The following MYO16 variants were observed in gnomAD, a reference collection of about 807,000 sequenced individuals.
MYO16 encodes the protein myosin XVI, also known as unconventional myosin-XVI.
Under a neutral mutation model 205.3 loss-of-function variants are expected in MYO16, and 94 were observed. The ratio of observed to expected loss-of-function variants is 0.46; its 90% CI spans 0.39 to 0.54. MYO16 has a LOEUF of 0.54. MYO16 is among the 20% of genes least tolerant of loss of function. MYO16 has a pLI of 0.00. For missense variants in MYO16, 2,315 were observed against 2,387.5 expected (o/e 0.97, Z 0.63); for synonymous variants, 988 against 954.0 (o/e 1.04, Z -0.66).
chr13:108,559,211 G>A, the MYO16 span, among the ~76,000 whole-genome samples: 1 of 152,062 alleles, frequency 6.6e-6, no homozygotes, highest in Admixed American at 6.5e-5. Flanking sequence ...ACACAGAGAG[G>A]GAAGAGTGTG....
chr13:108,785,492 G>A (rs962601281), intron 4 of MYO16, 143 bp from the exon 5 acceptor site: 6 of 471,354 alleles, frequency 1.3e-5, no homozygotes, highest in Admixed American at 7.6e-5. Flanking sequence ...AAAATAATTC[G>A]AGCTTCCTAC....
chr13:108,760,369 A>G (rs572454797), intron 4 of MYO16, among the ~76,000 whole-genome samples: 100 of 134,096 alleles, frequency 7.5e-4, no homozygotes, highest in African/African-American at 2.4e-3. Context: ...CACATTGACA[A>G]CACCATCACA....
intron 4 of MYO16, among the ~76,000 whole-genome samples, chr13:108,760,204 A>G (rs192290522): frequency 1.5e-3 from 230 of 152,292 alleles, no homozygotes; most frequent in Non-Finnish European, 2.7e-3. Flanking sequence ...GTTGGTTCTG[A>G]GAAACAGTTA....
chr13:108,607,945 A>G (rs1594139844), intron 1 of MYO16, among the ~76,000 whole-genome samples: 1 of 152,100 alleles, frequency 6.6e-6, no homozygotes, highest in Non-Finnish European at 1.5e-5. Flanking sequence ...CTCTGATCCT[A>G]CAGTGCTCTC....
rs150338509 is a variant in MYO16 at position 108,881,497 on chromosome 13, C to T, written c.1426-1562C>T. Among the ~76,000 whole-genome samples the T allele has an allele frequency of 7.3e-3, 1,117 of 152,248 alleles. 22 individuals are homozygous for T. The highest frequency in any genetic ancestry group is 0.025 in the African/African-American group (1,047 of 41,542). ...GATGATAGGTAATAACAAACTTCTCCGAGCTAAAGGAGGATGTTGGAACCC... is the reference window on the plus strand; with the variant it reads ...GATGATAGGTAATAACAAACTTCTCTGAGCTAAAGGAGGATGTTGGAACCC... On this transcript the variant is annotated intron_variant, in intron 12 of 34. Coordinates refer to ENST00000457511, the MANE Select transcript of MYO16 (RefSeq NM_001198950.3).
the MYO16 span, among the ~76,000 whole-genome samples, chr13:108,497,641 G>A: frequency 6.6e-6 from 1 of 152,110 alleles, no homozygotes; most frequent in African/African-American, 2.4e-5. Context: ...ATGAGAATTG[G>A]GAGGGGAAAT....
intron 2 of MYO16, among the ~76,000 whole-genome samples, chr13:108,681,301 T>C (rs577823032): frequency 6.6e-6 from 1 of 152,246 alleles, no homozygotes; most frequent in Non-Finnish European, 1.5e-5. Flanking sequence ...CAGACTCCAC[T>C]AAGGAGTTTC....
At chr13:108,892,747 T>G (rs1880231782) in intron 14 of MYO16, among the ~76,000 whole-genome samples, 1 of 152,200 alleles carries the variant, frequency 6.6e-6, no homozygotes, top group Non-Finnish European at 1.5e-5. Context: ...TAGTTTCCCC[T>G]CTAAATTATA....
intron 15 of MYO16, among the ~76,000 whole-genome samples, chr13:108,901,333 G>A (rs545951776): frequency 1.3e-5 from 2 of 152,174 alleles, no homozygotes; most frequent in Admixed American, 6.5e-5. Context: ...GGCTCAGGGG[G>A]CATCACAGAA....
intron 4 of MYO16, among the ~76,000 whole-genome samples, chr13:108,756,987 T>C (rs1885441722): frequency 6.6e-6 from 1 of 152,222 alleles, no homozygotes; most frequent in Non-Finnish European, 1.5e-5. Context: ...CCTTGGTGTA[T>C]CTGTTCTTTA....
chr13:108,967,502 T>C (rs1417627038), intron 20 of MYO16, among the ~76,000 whole-genome samples: 1 of 152,172 alleles, frequency 6.6e-6, no homozygotes, highest in Non-Finnish European at 1.5e-5. Context: ...CTACAAGTAA[T>C]GTGTGGCTGC....
chr13:108,829,189 G>A (rs978440757), intron 9 of MYO16, among the ~76,000 whole-genome samples: 32 of 152,262 alleles, frequency 2.1e-4, no homozygotes, highest in African/African-American at 7.5e-4. Context: ...TAATTGTACT[G>A]CAGGACATCA....
chr13:108,735,324 A>G (rs1884657960), intron 4 of MYO16, among the ~76,000 whole-genome samples: 1 of 132,162 alleles, frequency 7.6e-6, no homozygotes, highest in Non-Finnish European at 1.5e-5. Context: ...ATGTGTTCTC[A>G]TTGTTCAATT....
At chr13:108,984,218 G>A (rs1287618279) in intron 20 of MYO16, among the ~76,000 whole-genome samples, 1 of 152,092 alleles carries the variant, frequency 6.6e-6, no homozygotes, top group Admixed American at 6.5e-5. Flanking sequence ...GAGGTCTTAG[G>A]AGAACTGGTA....
chr13:108,727,499 C>G lies in MYO16; in HGVS notation c.423C>G (p.Val141=). 1 of 1,614,034 alleles carries G rather than the reference C, an allele frequency of 6.2e-7. No homozygotes were observed. The highest frequency in any genetic ancestry group is 2.2e-5 in the East Asian group (1 of 44,854). Residue 141 remains valine (V), a synonymous_variant, in exon 4 of 35, where the codon GTC becomes GTG. Coordinates refer to ENST00000457511, the MANE Select transcript of MYO16 (RefSeq NM_001198950.3). ...TTCTGATTGACAGAGGAGTCAACGTCAACCACCAGGATGAAGACTTCTGGA... is the reference window on the plus strand; with the variant it reads ...TTCTGATTGACAGAGGAGTCAACGTGAACCACCAGGATGAAGACTTCTGGA... The part of the protein sequence containing the change: ...AEILIDRGVN[V]NHQDEDFWTP...
chr13:108,985,318 G>A (rs943162390), intron 20 of MYO16, among the ~76,000 whole-genome samples: 2 of 152,088 alleles, frequency 1.3e-5, no homozygotes, highest in Non-Finnish European at 2.9e-5. Context: ...ATCCCTCCTT[G>A]ACAACATACA....
In MYO16 at chr13:108,844,611, CAT is replaced by C. The variant is rs1342542425; in HGVS notation, c.1248+120_1248+121del. 5.1e-5 allele frequency: 52 copies of C among 1,020,400 alleles called. No homozygotes were observed. The African/African-American group carries it at 7.4e-4, about 15-fold the overall frequency. 63.2% of individuals were successfully genotyped at this position (1,020,400 alleles called of 1,614,324 possible). A position where few individuals can be genotyped will look rare whatever the true frequency, so the allele number is the denominator to read the frequency against. On this transcript the variant is annotated intron_variant, in intron 10 of 34. Transcript: ENST00000457511. The stretch of plus-strand genomic sequence containing the variant: ...AATTTGCATTCAAAGACAATTAATG[CAT>C]AGATTAATATTTTGCTTGCAGTTTT...
the MYO16 span, among the ~76,000 whole-genome samples, chr13:108,584,070 C>T: frequency 6.6e-6 from 1 of 152,132 alleles, no homozygotes; most frequent in Non-Finnish European, 1.5e-5. Context: ...TCTCCAGCCT[C>T]AGCCTCCCAA....
intron 14 of MYO16, among the ~76,000 whole-genome samples, chr13:108,893,458 T>C (rs1467184702): frequency 1.3e-5 from 2 of 152,230 alleles, no homozygotes; most frequent in South Asian, 2.1e-4. Context: ...TACGTTGTTT[T>C]GCTTAAAGTA....
Sources: gnomAD v4.1 joint callset for allele counts (sites outside exome capture counted in the v4.1 genomes callset) on GRCh38, gnomAD v4.1.1 for gene constraint, MANE v1.5 for transcripts, NCBI Gene and HGNC (gene_info 2026-07-23, HGNC 2026-07-21) for gene names.